Variants in CUL1 observed in about 807,000 individuals in gnomAD.
CUL1 encodes the protein cullin 1.
CUL1 carries 24 observed loss-of-function variants against 118.0 expected under a neutral mutation model. That is an observed-to-expected ratio of 0.20 (90% CI 0.15 to 0.29). The LOEUF is 0.29. CUL1 is among the 10% of genes least tolerant of loss of function. The pLI, the probability that CUL1 is intolerant of heterozygous loss-of-function variation, is 1.00. For synonymous variants in CUL1, 332 were observed against 340.4 expected (o/e 0.98, Z 0.27); for missense variants, 361 against 933.8 (o/e 0.39, Z 7.99).
chr7:148,788,326 TTG>T (rs1363603673), intron 13 of CUL1, among the ~76,000 whole-genome samples: 1 of 152,222 alleles, frequency 6.6e-6, no homozygotes, highest in Non-Finnish European at 1.5e-5. Context: ...TGTGTATGAA[TTG>T]TGTGTGTGAA....
chr7:148,800,163 C>G lies in CUL1; in HGVS notation c.2251-339C>G, dbSNP rs1584829462. ...GTCCCCTGTTCCCTGTTCATGGCCT[C>G]TTCTTGTGAGACTGAGTCCTGCCGC... On this transcript the variant is annotated intron_variant, in intron 21 of 21. Coordinates refer to ENST00000325222, the MANE Select transcript of CUL1 (RefSeq NM_003592.3). The surrounding 1 kb of genome is among the most constrained non-coding windows in gnomAD (Gnocchi z 4.6). Among the ~76,000 whole-genome samples, 1 of 152,292 alleles carries G rather than the reference C, an allele frequency of 6.6e-6. No individual in the cohort carries two copies. Among genetic ancestry groups the G allele is most frequent in the East Asian group, 1.9e-4 (1 of 5,178 alleles).
chr7:148,745,495 G>C (rs1326282478), intron 2 of CUL1, among the ~76,000 whole-genome samples: 1 of 152,064 alleles, frequency 6.6e-6, no homozygotes, highest in African/African-American at 2.4e-5. Context: ...CAAGATCATT[G>C]TTTTAATATT....
chr7:148,737,590 A>ATTTG (rs1798999161), intron 2 of CUL1, among the ~76,000 whole-genome samples: 1 of 147,424 alleles, frequency 6.8e-6, no homozygotes, highest in Non-Finnish European at 1.5e-5. Flanking sequence ...TTATTTATTT[A>ATTTG]TTTATTTATT....
intron 1 of CUL1, among the ~76,000 whole-genome samples, chr7:148,701,550 C>T (rs1174681538): frequency 2.0e-5 from 3 of 152,106 alleles, no homozygotes; most frequent in Non-Finnish European, 4.4e-5. Context: ...GGTTTTTCCC[C>T]CCAGGTTGAG....
At chr7:148,699,977 A>G (rs2129458687) in intron 1 of CUL1, among the ~76,000 whole-genome samples, 1 of 152,228 alleles carries the variant, frequency 6.6e-6, no homozygotes, top group South Asian at 2.1e-4. Context: ...TGTAGCGCAG[A>G]CATAAGATAA....
chr7:148,791,350 CT>C (rs2129463237), intron 16 of CUL1, among the ~76,000 whole-genome samples: 2 of 152,288 alleles, frequency 1.3e-5, no homozygotes, highest in Non-Finnish European at 2.9e-5. Context: ...ACTCAAGCTG[CT>C]CATTAATTTA....
chr7:148,779,144 C>G (rs957573199), intron 9 of CUL1, among the ~76,000 whole-genome samples: 1 of 152,118 alleles, frequency 6.6e-6, no homozygotes, highest in Non-Finnish European at 1.5e-5. Flanking sequence ...ATTTTCTCTT[C>G]GTGAAATTGG....
At chr7:148,721,605 G>A (rs1309864423) in intron 1 of CUL1, among the ~76,000 whole-genome samples, 3 of 152,078 alleles carry the variant, frequency 2.0e-5, no homozygotes, top group East Asian at 3.8e-4. Context: ...AAGTGTGTGT[G>A]GTTCACTGTG....
intron 17 of CUL1, 131 bp from the exon 18 acceptor site, chr7:148,797,681 A>C (rs547828860): frequency 2.6e-5 from 18 of 688,572 alleles, no homozygotes; most frequent in Non-Finnish European, 4.1e-5. Context: ...TTTTCCTTCC[A>C]GCATACTCTT....
chr7:148,776,968 TC>T (rs1800422669), intron 9 of CUL1, among the ~76,000 whole-genome samples: 1 of 152,234 alleles, frequency 6.6e-6, no homozygotes, highest in African/African-American at 2.4e-5. Context: ...AAGTCAGTCT[TC>T]CCTGGCAAGT....
intron 2 of CUL1, among the ~76,000 whole-genome samples, chr7:148,742,695 G>T (rs1355583086): frequency 7.0e-6 from 1 of 143,238 alleles, no homozygotes; most frequent in African/African-American, 2.5e-5. Flanking sequence ...TCTGCCTCCC[G>T]GGTTCAAGCG....
intron 7 of CUL1, among the ~76,000 whole-genome samples, chr7:148,763,559 G>GAAT (rs1426423948): frequency 6.6e-6 from 1 of 152,102 alleles, no homozygotes; most frequent in East Asian, 1.9e-4. Flanking sequence ...TGTAAAATGT[G>GAAT]AATAATAATA....
chr7:148,760,443 A>G lies in CUL1; in HGVS notation c.736A>G (p.Arg246Gly). ...FLADTERFYT[R>G]ESTEFLQQNP... The stretch of plus-strand genomic sequence containing the variant: ...GGCTGACACAGAGAGATTTTATACC[A>G]GAGAGAGTACTGAATTCTTGCAGCA... The change falls in exon 7 of 22, where the codon AGA becomes GGA. Residue 246 changes from arginine (R) to glycine (G), a missense_variant. This residue lies in a region of CUL1 where 169 missense variants were observed against 429.7 expected (regional missense o/e 0.39). Transcript: ENST00000325222. The G allele has an allele frequency of 3.1e-6, 5 of 1,613,332 alleles. No individual in the cohort carries two copies. Among genetic ancestry groups the G allele is most frequent in the Non-Finnish European group, 4.2e-6 (5 of 1,179,596 alleles).
At chr7:148,742,604 T>G (rs1185298587) in intron 2 of CUL1, among the ~76,000 whole-genome samples, 2 of 145,770 alleles carry the variant, frequency 1.4e-5, no homozygotes, top group Non-Finnish European at 3.0e-5. Context: ...TCTGGTTTTT[T>G]TTTTTTTTTT....
intron 1 of CUL1, among the ~76,000 whole-genome samples, chr7:148,722,603 C>G (rs1375311964): frequency 2.0e-5 from 3 of 152,234 alleles, no homozygotes; most frequent in Non-Finnish European, 4.4e-5. Context: ...CCTCTCTGCA[C>G]TAGCCATTTC....
chr7:148,775,696 C>T (rs1800371139), intron 9 of CUL1, among the ~76,000 whole-genome samples: 1 of 152,132 alleles, frequency 6.6e-6, no homozygotes, highest in South Asian at 2.1e-4. Context: ...TTGTGAATTA[C>T]AGGTACATAA....
At chr7:148,703,859 C>A (rs1797797644) in intron 1 of CUL1, among the ~76,000 whole-genome samples, 1 of 152,024 alleles carries the variant, frequency 6.6e-6, no homozygotes, top group South Asian at 2.1e-4. Context: ...GTAAAAATGG[C>A]TGTCATTTTA....
intron 2 of CUL1, among the ~76,000 whole-genome samples, chr7:148,742,077 T>C (rs992576383): frequency 1.2e-4 from 18 of 152,216 alleles, no homozygotes; most frequent in African/African-American, 3.9e-4. Flanking sequence ...TTTGGCTCTT[T>C]TGAGTCTCTT....
chr7:148,774,886 C>G (rs1375013145), intron 9 of CUL1, among the ~76,000 whole-genome samples: 1 of 152,210 alleles, frequency 6.6e-6, no homozygotes, highest in Non-Finnish European at 1.5e-5. Flanking sequence ...AGAAGCTGCT[C>G]TCAGTAGCTG....
Sources: allele counts gnomAD v4.1 joint callset (sites outside exome capture counted in the v4.1 genomes callset), GRCh38; gene constraint gnomAD v4.1.1; regional missense constraint gnomAD v4.1.1; non-coding constraint Gnocchi (gnomAD v3.1); transcripts MANE v1.5; gene names NCBI Gene and HGNC (gene_info 2026-07-23, HGNC 2026-07-21).